ANO2: variants seen among roughly 807,000 people sequenced by gnomAD.
ANO2 encodes anoctamin 2.
ANO2 carries 101 observed loss-of-function variants against 124.2 expected under a neutral mutation model. The observed-to-expected ratio is 0.81, with a 90% confidence interval of 0.69 to 0.96. The LOEUF (loss-of-function observed/expected upper bound fraction) is 0.96. Ranked by LOEUF, ANO2 falls within the 40% of genes least tolerant of loss-of-function variation. The pLI is 0.00. For missense variants in ANO2, 1,293 were observed against 1,274.5 expected, an observed-to-expected ratio of 1.01 and a Z score of -0.22; for synonymous variants, 486 against 482.5, an observed-to-expected ratio of 1.01 and a Z score of -0.09.
chr12:5,718,860 GC>G (rs1306908089), intron 14 of ANO2, among the ~76,000 whole-genome samples: 1 of 152,120 alleles, frequency 6.6e-6, no homozygotes, highest in Non-Finnish European at 1.5e-5. Context: ...TCCCTTGGCG[GC>G]CCCAATTTCC....
intron 7 of ANO2, among the ~76,000 whole-genome samples, chr12:5,813,071 A>AAGG (rs765204407): frequency 0.46 from 43,365 of 94,006 alleles, 7,078 homozygotes; most frequent in Middle Eastern, 0.6. Flanking sequence ...AAGGAAGACG[A>AAGG]AAGAGGAAGG....
chr12:5,613,206 C>A (rs1360675995), intron 17 of ANO2, among the ~76,000 whole-genome samples: 1 of 152,036 alleles, frequency 6.6e-6, no homozygotes, highest in African/African-American at 2.4e-5. Context: ...GAGGATGAAG[C>A]TGGGCCTGGT....
intron 14 of ANO2, among the ~76,000 whole-genome samples, chr12:5,730,099 T>C (rs781209674): frequency 1.1e-4 from 17 of 147,840 alleles, no homozygotes; most frequent in Non-Finnish European, 2.3e-4. Flanking sequence ...AAATTATTCA[T>C]ATATATGCAT....
intron 4 of ANO2, among the ~76,000 whole-genome samples, chr12:5,850,385 C>T (rs1206983398): frequency 1.4e-5 from 2 of 144,462 alleles, no homozygotes; most frequent in East Asian, 2.0e-4. Flanking sequence ...CACTGCACTC[C>T]AGCCTGGGTG....
chr12:5,730,635 A>G (rs1305584394), intron 14 of ANO2, among the ~76,000 whole-genome samples: 1 of 152,224 alleles, frequency 6.6e-6, no homozygotes, highest in African/African-American at 2.4e-5. Flanking sequence ...CCCTGCAGCA[A>G]TGCTATGCGG....
intron 4 of ANO2, among the ~76,000 whole-genome samples, chr12:5,849,832 G>A (rs1325111646): frequency 6.6e-6 from 1 of 151,958 alleles, no homozygotes; most frequent in Non-Finnish European, 1.5e-5. Flanking sequence ...TCCCCTCGCC[G>A]CCAGGATGTG....
intron 7 of ANO2, among the ~76,000 whole-genome samples, chr12:5,815,828 G>A (rs1419730872): frequency 6.6e-6 from 1 of 151,742 alleles, no homozygotes; most frequent in Admixed American, 6.6e-5. Context: ...AAATTTTGTG[G>A]AACAAGGCAG....
At chr12:5,696,179 C>T (rs899952735) in intron 14 of ANO2, among the ~76,000 whole-genome samples, 3 of 151,772 alleles carry the variant, frequency 2.0e-5, no homozygotes, top group Admixed American at 1.3e-4. Flanking sequence ...AGAAGACAAA[C>T]AATAGGAAGA....
chr12:5,776,859 G>T, intron 10 of ANO2, among the ~76,000 whole-genome samples: 1 of 152,190 alleles, frequency 6.6e-6, no homozygotes, highest in East Asian at 1.9e-4. Flanking sequence ...ACCTTGGCCT[G>T]ACTCTGGAGG....
At chr12:5,758,165 C>G (rs890906700) in intron 10 of ANO2, among the ~76,000 whole-genome samples, 1 of 152,192 alleles carries the variant, frequency 6.6e-6, no homozygotes, top group Admixed American at 6.5e-5. Context: ...GTTGCACATA[C>G]AGCCGATGGT....
At chr12:5,624,711 C>T (rs996427506) in intron 16 of ANO2, among the ~76,000 whole-genome samples, 8 of 152,176 alleles carry the variant, frequency 5.3e-5, no homozygotes, top group Admixed American at 3.3e-4. Context: ...CAGCTCCCGC[C>T]GTGTGGAGCT....
Position 5,703,054 on chromosome 12 carries a change from C to A in ANO2, c.1545+29466G>T, listed in dbSNP as rs187558368. Reference sequence around the variant, plus strand: ...AACACATATGTAAGAGGATTCATAACTGCATCCCTGGTAGTAGAAAATAAG... The same window carrying A: ...AACACATATGTAAGAGGATTCATAAATGCATCCCTGGTAGTAGAAAATAAG... On this transcript the variant is annotated intron_variant, in intron 14 of 24. Coordinates refer to ENST00000682330, the MANE Select transcript of ANO2 (RefSeq NM_001364791.2). Among the ~76,000 whole-genome samples, 234 of 152,250 alleles carry A rather than the reference C, an allele frequency of 1.5e-3. 1 individual carries two copies. Among genetic ancestry groups the A allele is most frequent in the African/African-American group, 5.5e-3 (228 of 41,522 alleles).
At chr12:5,675,817 G>A (rs1948216575) in intron 14 of ANO2, among the ~76,000 whole-genome samples, 1 of 152,132 alleles carries the variant, frequency 6.6e-6, no homozygotes, top group East Asian at 1.9e-4. Context: ...CATCTGCTGT[G>A]GCCATTTGTG....
chr12:5,605,344 T>A (rs1209846347), intron 19 of ANO2, among the ~76,000 whole-genome samples: 1 of 152,210 alleles, frequency 6.6e-6, no homozygotes, highest in East Asian at 1.9e-4. Flanking sequence ...AATATAACAT[T>A]TATCACATTT....
chr12:5,641,869 C>G (rs1452394144), intron 15 of ANO2, among the ~76,000 whole-genome samples: 1 of 152,118 alleles, frequency 6.6e-6, no homozygotes, highest in Admixed American at 6.5e-5. Context: ...TCCAGTCTAG[C>G]TTTAGGAGGT....
rs1006116282 is a variant in ANO2, at chr12:5,565,604, T to C, written c.2681A>G (p.Tyr894Cys). ...APNPYEFSKQYWFILSARLAF... is the reference protein window; with the variant it reads ...APNPYEFSKQCWFILSARLAF... ...CAGACGGGCGGACAGAATAAACCAG[T>C]ACTGTTTCGAAAACTCATAAGGGTT... is the stretch of plus-strand genomic sequence containing the variant. The change falls in exon 24 of 25, where the codon TAC becomes TGC. Residue 894 changes from tyrosine to cysteine, a missense_variant. Coordinates refer to ENST00000682330, the MANE Select transcript of ANO2 (RefSeq NM_001364791.2). 1.2e-6 allele frequency: 2 copies of C among 1,606,218 alleles called. No homozygotes were observed. Among genetic ancestry groups the C allele is most frequent in the African/African-American group, 1.3e-5 (1 of 74,902 alleles).
intron 14 of ANO2, among the ~76,000 whole-genome samples, chr12:5,665,709 A>AC (rs1947672682): frequency 4.1e-5 from 2 of 48,300 alleles, no homozygotes; most frequent in Admixed American, 2.0e-4. Flanking sequence ...TGGTCCCACC[A>AC]CCCCCCACCC....
At chr12:5,694,060 G>A (rs1486551533) in intron 14 of ANO2, among the ~76,000 whole-genome samples, 1 of 152,110 alleles carries the variant, frequency 6.6e-6, no homozygotes, top group African/African-American at 2.4e-5. Flanking sequence ...CAATGCTGCA[G>A]CCCCAGAGTT....
chr12:5,695,576 C>A (rs1001753242), intron 14 of ANO2, among the ~76,000 whole-genome samples: 1 of 152,242 alleles, frequency 6.6e-6, no homozygotes, highest in African/African-American at 2.4e-5. Context: ...CCCAGTGGCT[C>A]ATGCCTGCAA....
Sources: allele counts gnomAD v4.1 joint callset (sites outside exome capture counted in the v4.1 genomes callset), GRCh38; gene constraint gnomAD v4.1.1; transcripts MANE v1.5; gene names NCBI Gene and HGNC (gene_info 2026-07-23, HGNC 2026-07-21).